The following FRMD4A variants were observed in gnomAD, a reference collection of about 807,000 sequenced individuals.
The protein encoded by FRMD4A is FERM domain-containing protein 4A.
A neutral mutation model predicts 129.1 loss-of-function variants in FRMD4A; 29 were observed. The observed-to-expected ratio is 0.22, with a 90% CI of 0.17 to 0.31. The LOEUF (loss-of-function observed/expected upper bound fraction) is 0.31. Among genes scored for constraint, FRMD4A ranks in the 10% least tolerant of loss-of-function variants. FRMD4A has a pLI of 1.00. For synonymous variants in FRMD4A, 634 were observed against 571.6 expected (o/e 1.11, Z -1.56); for missense variants, 1,272 against 1,375.8 (o/e 0.92, Z 1.19).
intron 2 of FRMD4A, among the ~76,000 whole-genome samples, chr10:14,162,205 G>A (rs978729431): frequency 2.0e-5 from 3 of 151,974 alleles, no homozygotes; most frequent in African/African-American, 4.8e-5. Flanking sequence ...TCAAGGGCTC[G>A]ATAGTCACAT....
chr10:14,227,200 T>G (rs1374463414), intron 2 of FRMD4A, among the ~76,000 whole-genome samples: 1 of 151,592 alleles, frequency 6.6e-6, no homozygotes, highest in Non-Finnish European at 1.5e-5. Flanking sequence ...TTTAGTCGTC[T>G]TCTTTCTTCT....
rs533849013 is a variant in FRMD4A, at chr10:13,844,839, C to G, written c.111+14008G>C. 7.9e-5 allele frequency among the ~76,000 whole-genome samples: 12 copies of G among 152,248 alleles called. No individual in the cohort carries two copies. In the South Asian group the frequency reaches 2.5e-3, roughly 32 times the overall value. On this transcript the variant is annotated intron_variant, in intron 3 of 24. Transcript: ENST00000357447. ...GCCTCTAAACATGTGTCCCACCGTGCGCTACAAAATCACACACTGCAGTCT... is the reference window on the plus strand; with the variant it reads ...GCCTCTAAACATGTGTCCCACCGTGGGCTACAAAATCACACACTGCAGTCT...
chr10:14,138,906 A>G (rs939910892), intron 2 of FRMD4A, among the ~76,000 whole-genome samples: 2 of 152,194 alleles, frequency 1.3e-5, no homozygotes, highest in Non-Finnish European at 2.9e-5. Flanking sequence ...GTAGATAGCC[A>G]TTGTCCTTGA....
chr10:14,318,321 C>G (rs544953935), intron 2 of FRMD4A, among the ~76,000 whole-genome samples: 31 of 148,826 alleles, frequency 2.1e-4, no homozygotes, highest in African/African-American at 3.7e-4. Context: ...AGCTATATCC[C>G]CCCCCACCTT....
intron 9 of FRMD4A, among the ~76,000 whole-genome samples, chr10:13,740,823 G>GTTGTT (rs753012587): frequency 9.5e-6 from 1 of 105,108 alleles, no homozygotes; most frequent in Non-Finnish European, 1.8e-5. Context: ...TGTCTTGGAT[G>GTTGTT]TTTGTTTTTT....
At chr10:13,952,046 G>C (rs1165882378) in intron 2 of FRMD4A, among the ~76,000 whole-genome samples, 1 of 150,760 alleles carries the variant, frequency 6.6e-6, no homozygotes, top group Non-Finnish European at 1.5e-5. Context: ...TTGGGAAGGG[G>C]CTTGTTTCAG....
At chr10:14,231,346 GTT>G (rs34532314) in intron 2 of FRMD4A, among the ~76,000 whole-genome samples, 1 of 142,642 alleles carries the variant, frequency 7.0e-6, no homozygotes. Context: ...TCTCATTGTG[GTT>G]TTTTTTTTTT....
chr10:14,094,802 A>G (rs1443460321), intron 2 of FRMD4A, among the ~76,000 whole-genome samples: 3 of 152,228 alleles, frequency 2.0e-5, no homozygotes, highest in Non-Finnish European at 4.4e-5. Context: ...AGAAAGATGC[A>G]CTGAAGATTT....
intron 2 of FRMD4A, among the ~76,000 whole-genome samples, chr10:14,158,453 A>T (rs114074310): frequency 6.6e-6 from 1 of 152,114 alleles, no homozygotes; most frequent in Non-Finnish European, 1.5e-5. Flanking sequence ...TCTACAAAAA[A>T]TAATTAAAAA....
intron 2 of FRMD4A, among the ~76,000 whole-genome samples, chr10:13,944,780 T>TA (rs1187130928): frequency 3.3e-5 from 5 of 152,198 alleles, no homozygotes; most frequent in Non-Finnish European, 7.3e-5. Context: ...AAGAAAGGCT[T>TA]AAAAAATACA....
intron 2 of FRMD4A, among the ~76,000 whole-genome samples, chr10:13,859,435 T>C (rs979090751): frequency 4.6e-5 from 7 of 152,192 alleles, no homozygotes; most frequent in African/African-American, 7.2e-5. Context: ...GGCACTTTTC[T>C]GGGAGCTGGG....
chr10:13,936,150 A>G (rs2095247558), intron 2 of FRMD4A, among the ~76,000 whole-genome samples: 1 of 152,244 alleles, frequency 6.6e-6, no homozygotes, highest in South Asian at 2.1e-4. Context: ...CTGGCACACA[A>G]GTAACCATAA....
At chr10:14,219,611 C>T (rs74354626) in intron 2 of FRMD4A, among the ~76,000 whole-genome samples, 127 of 152,296 alleles carry the variant, frequency 8.3e-4, no homozygotes, top group African/African-American at 2.8e-3. Context: ...AGTCACAGTG[C>T]TCGGTGTGAT....
At chr10:13,867,645 CATAATAAATAT>C (rs1299497219) in intron 2 of FRMD4A, among the ~76,000 whole-genome samples, 20 of 126,512 alleles carry the variant, frequency 1.6e-4, no homozygotes, top group Non-Finnish European at 4.8e-5. Flanking sequence ...ATATATAATA[CATAATAAATAT>C]ATAATATATA....
At chr10:13,844,751 A>G (rs1275766450) in intron 3 of FRMD4A, among the ~76,000 whole-genome samples, 2 of 152,226 alleles carry the variant, frequency 1.3e-5, no homozygotes, top group Non-Finnish European at 2.9e-5. Flanking sequence ...CTGGGATTCT[A>G]GCAGGCCCTG....
intron 2 of FRMD4A, among the ~76,000 whole-genome samples, chr10:14,163,365 T>C (rs1297308095): frequency 6.6e-6 from 1 of 152,246 alleles, no homozygotes; most frequent in East Asian, 1.9e-4. Flanking sequence ...TCCCTTTGAA[T>C]ATCAATGTAG....
At chr10:13,736,841 G>A (rs761424483) in intron 12 of FRMD4A, among the ~76,000 whole-genome samples, 11 of 152,160 alleles carry the variant, frequency 7.2e-5, no homozygotes, top group Non-Finnish European at 1.0e-4. Flanking sequence ...GATAGCACTC[G>A]CCTCTAAGAT....
At chr10:13,839,367 C>T (rs1348998814) in intron 3 of FRMD4A, among the ~76,000 whole-genome samples, 3 of 152,096 alleles carry the variant, frequency 2.0e-5, no homozygotes, top group African/African-American at 7.2e-5. Context: ...TCCACCTGAA[C>T]AGGAGACTAA....
chr10:14,277,410 G>A (rs1272231743), intron 2 of FRMD4A, among the ~76,000 whole-genome samples: 2 of 152,208 alleles, frequency 1.3e-5, no homozygotes, highest in Non-Finnish European at 2.9e-5. Context: ...TAGTGTGCTT[G>A]TAAAGGGGAC....
Sources: allele counts gnomAD v4.1 joint callset (sites outside exome capture counted in the v4.1 genomes callset), GRCh38; gene constraint gnomAD v4.1.1; transcripts MANE v1.5; gene names NCBI Gene and HGNC (gene_info 2026-07-23, HGNC 2026-07-21).